Variants in PRDM5 observed in about 807,000 individuals in gnomAD.
PRDM5 encodes the protein PR domain zinc finger protein 5.
Under a neutral mutation model 81.2 loss-of-function variants are expected in PRDM5, and 56 were observed. The observed-to-expected ratio is 0.69, with a 90% confidence interval of 0.56 to 0.86. The LOEUF (loss-of-function observed/expected upper bound fraction) is 0.86, where lower values mean the gene tolerates loss of function less well. PRDM5 is among the 40% of genes least tolerant of loss of function. The pLI is 0.00. For missense variants in PRDM5, 697 were observed against 770.1 expected, an observed-to-expected ratio of 0.91 and a Z score of 1.12; for synonymous variants, 267 against 256.4, an observed-to-expected ratio of 1.04 and a Z score of -0.39.
chr4:120,835,045 A>G lies in PRDM5; in HGVS notation c.301-13700T>C, dbSNP rs1417151529. On this transcript the variant is annotated intron_variant, in intron 3 of 15. Coordinates refer to ENST00000264808, the MANE Select transcript of PRDM5 (RefSeq NM_018699.4). ...TGATTGTTTTCACTTAAGTAATCTGAAAGTAGTTCTGATAAAGATAAATCA... is the reference window on the plus strand; with the variant it reads ...TGATTGTTTTCACTTAAGTAATCTGGAAGTAGTTCTGATAAAGATAAATCA... Among the ~76,000 whole-genome samples the G allele has an allele frequency of 3.3e-5, 5 of 152,208 alleles. No individual in the cohort carries two copies. In the East Asian group the frequency reaches 9.6e-4, roughly 29 times the overall value.
At chr4:120,773,017 T>C (rs1049611649) in intron 13 of PRDM5, among the ~76,000 whole-genome samples, 1 of 152,212 alleles carries the variant, frequency 6.6e-6, no homozygotes, top group African/African-American at 2.4e-5. Flanking sequence ...GTAAAACATA[T>C]TAATTTTATT....
intron 2 of PRDM5, among the ~76,000 whole-genome samples, chr4:120,878,731 T>C (rs1157039950): frequency 6.6e-6 from 1 of 152,130 alleles, no homozygotes; most frequent in Non-Finnish European, 1.5e-5. Context: ...AAAAAAAATC[T>C]AAACAAACCC....
chr4:120,722,691 G>T (rs1262033496), intron 14 of PRDM5, among the ~76,000 whole-genome samples: 1 of 152,174 alleles, frequency 6.6e-6, no homozygotes, highest in South Asian at 2.1e-4. Context: ...CTAAACCAAT[G>T]ACAGCAATTC....
At chr4:120,764,241 G>A (rs954956476) in intron 13 of PRDM5, among the ~76,000 whole-genome samples, 2 of 151,978 alleles carry the variant, frequency 1.3e-5, no homozygotes, top group African/African-American at 2.4e-5. Flanking sequence ...AAGAAGAAAT[G>A]ATAAAAATAT....
intron 14 of PRDM5, among the ~76,000 whole-genome samples, chr4:120,752,295 A>T (rs1300768482): frequency 7.2e-5 from 9 of 125,426 alleles, no homozygotes; most frequent in East Asian, 7.1e-4. Flanking sequence ...AAAATATTTT[A>T]AAAATGCATG....
intron 3 of PRDM5, chr4:120,839,235 T>A (rs1300914941): frequency 1.4e-6 from 1 of 703,080 alleles, no homozygotes; most frequent in East Asian, 2.7e-5. Flanking sequence ...GTGTTACAGC[T>A]CTTTTAGCCT....
At chr4:120,872,693 G>T (rs576119274) in intron 2 of PRDM5, among the ~76,000 whole-genome samples, 4 of 152,298 alleles carry the variant, frequency 2.6e-5, no homozygotes, top group African/African-American at 7.2e-5. Context: ...ATTTAAGGCT[G>T]CAGTGAACTA....
intron 3 of PRDM5, among the ~76,000 whole-genome samples, chr4:120,840,602 T>TC (rs889779717): frequency 1.6e-4 from 25 of 151,710 alleles, no homozygotes; most frequent in African/African-American, 5.8e-4. Flanking sequence ...CCCAGCCCCT[T>TC]CCCCCCATGG....
At chr4:120,712,804 G>A (rs1367596441) in intron 14 of PRDM5, among the ~76,000 whole-genome samples, 1 of 151,866 alleles carries the variant, frequency 6.6e-6, no homozygotes, top group African/African-American at 2.4e-5. Context: ...TTCAATGTTG[G>A]GCATATGACA....
At chr4:120,754,504 T>A in intron 14 of PRDM5, 49 bp downstream of exon 14, 1 of 1,300,618 alleles carries the variant, frequency 7.7e-7, no homozygotes, top group Non-Finnish European at 1.1e-6. Flanking sequence ...TCTTTTAAAA[T>A]AAGTATGGTT....
intron 2 of PRDM5, among the ~76,000 whole-genome samples, chr4:120,886,396 C>G (rs1763440927): frequency 6.6e-6 from 1 of 152,182 alleles, no homozygotes; most frequent in African/African-American, 2.4e-5. Flanking sequence ...AGCAGGACAG[C>G]TGTAATCACA....
At chr4:120,734,143 C>G (rs140740283) in intron 14 of PRDM5, among the ~76,000 whole-genome samples, 4 of 152,100 alleles carry the variant, frequency 2.6e-5, no homozygotes, top group Admixed American at 2.0e-4. Flanking sequence ...GCGGGGCAGA[C>G]GGCAGGCAGC....
At chr4:120,907,910 C>G (rs1766017523) in intron 1 of PRDM5, among the ~76,000 whole-genome samples, 2 of 152,200 alleles carry the variant, frequency 1.3e-5, no homozygotes, top group African/African-American at 4.8e-5. Flanking sequence ...ACTTGAGAGA[C>G]AAGCCCACCA....
chr4:120,762,667 C>T (rs182513769), intron 13 of PRDM5: 29 of 152,240 alleles, frequency 1.9e-4, no homozygotes, highest in South Asian at 1.5e-3. Context: ...AAGTGAAATG[C>T]TACACTGACA....
At chr4:120,781,431 T>A (rs1233134009) in intron 11 of PRDM5, 128 bp from the exon 12 acceptor site, 21 of 828,608 alleles carry the variant, frequency 2.5e-5, no homozygotes, top group Non-Finnish European at 4.0e-5. Context: ...AACTTTTTAT[T>A]TTTTACAACA....
chr4:120,880,546 TTAA>T (rs1433983527), intron 2 of PRDM5, among the ~76,000 whole-genome samples: 3 of 152,190 alleles, frequency 2.0e-5, no homozygotes, highest in East Asian at 1.9e-4. Flanking sequence ...ACAAAAATTA[TTAA>T]TGAGACATTT....
intron 8 of PRDM5, among the ~76,000 whole-genome samples, chr4:120,808,295 C>A (rs1474997909): frequency 1.3e-5 from 2 of 152,096 alleles, no homozygotes; most frequent in Admixed American, 6.5e-5. Flanking sequence ...GAGCTAGAGA[C>A]AACAGTTCTC....
chr4:120,871,961 A>T (rs542277280), intron 2 of PRDM5, among the ~76,000 whole-genome samples: 1 of 151,172 alleles, frequency 6.6e-6, no homozygotes, highest in Non-Finnish European at 1.5e-5. Flanking sequence ...GACCAGCCTG[A>T]CCGACATGGT....
intron 2 of PRDM5, among the ~76,000 whole-genome samples, chr4:120,873,958 AG>A (rs1334876241): frequency 1.3e-5 from 2 of 152,092 alleles, no homozygotes; most frequent in African/African-American, 2.4e-5. Context: ...ATGTTTATCC[AG>A]TTTTTTTATT....
Sources: allele counts gnomAD v4.1 joint callset (sites outside exome capture counted in the v4.1 genomes callset), GRCh38; gene constraint gnomAD v4.1.1; transcripts MANE v1.5; gene names NCBI Gene and HGNC (gene_info 2026-07-23, HGNC 2026-07-21).